CARMIL1: variants seen among roughly 807,000 people sequenced by gnomAD.
CARMIL1 encodes the protein capping protein regulator and myosin 1 linker 1.
CARMIL1 carries 90 observed loss-of-function variants against 177.1 expected under a neutral mutation model. The observed-to-expected ratio is 0.51, with a 90% CI of 0.43 to 0.61. The LOEUF is 0.61. Among genes scored for constraint, CARMIL1 ranks in the 20% least tolerant of loss-of-function variants. The pLI is 0.00. For missense variants in CARMIL1, 1,380 were observed against 1,667.0 expected, an observed-to-expected ratio of 0.83 and a Z score of 3.00; for synonymous variants, 577 against 606.2, an observed-to-expected ratio of 0.95 and a Z score of 0.71.
intron 2 of CARMIL1, among the ~76,000 whole-genome samples, chr6:25,299,652 C>G (rs913304992): frequency 6.6e-6 from 1 of 152,048 alleles, no homozygotes; most frequent in African/African-American, 2.4e-5. Flanking sequence ...GGCACCATCA[C>G]CCACTCTTCC....
intron 9 of CARMIL1, among the ~76,000 whole-genome samples, chr6:25,466,487 A>T (rs1250866039): frequency 6.6e-6 from 1 of 152,220 alleles, no homozygotes; most frequent in Non-Finnish European, 1.5e-5. Context: ...GGTATATTTT[A>T]TTAGTGGAAA....
chr6:25,464,507 A>T (rs1466545964), intron 8 of CARMIL1, among the ~76,000 whole-genome samples: 1 of 152,202 alleles, frequency 6.6e-6, no homozygotes, highest in Non-Finnish European at 1.5e-5. Flanking sequence ...GAGCTATGAG[A>T]TAATATTGAT....
intron 1 of CARMIL1, among the ~76,000 whole-genome samples, chr6:25,283,272 G>A (rs9358849): frequency 0.57 from 86,158 of 152,012 alleles, 26,608 homozygotes; most frequent in South Asian, 0.71. Flanking sequence ...TGGGAGGGAC[G>A]TGATGAATCT....
intron 29 of CARMIL1, chr6:25,563,648 CA>C (rs1811322837): frequency 1.0e-6 from 1 of 985,222 alleles, no homozygotes; most frequent in East Asian, 1.1e-4. Flanking sequence ...ATTTTTTCAA[CA>C]AATGCTTATT....
intron 24 of CARMIL1, among the ~76,000 whole-genome samples, chr6:25,536,073 A>T (rs1365603804): frequency 6.6e-6 from 1 of 152,202 alleles, no homozygotes; most frequent in East Asian, 1.9e-4. Context: ...GTGATTAAAG[A>T]TACCAACTTT....
intron 2 of CARMIL1, among the ~76,000 whole-genome samples, chr6:25,352,418 T>A (rs1788201409): frequency 6.6e-6 from 1 of 152,116 alleles, no homozygotes; most frequent in Non-Finnish European, 1.5e-5. Context: ...ATGACTAATG[T>A]ATATAACTCA....
intron 24 of CARMIL1, among the ~76,000 whole-genome samples, chr6:25,536,155 T>G (rs1358017307): frequency 6.6e-6 from 1 of 152,146 alleles, no homozygotes; most frequent in East Asian, 1.9e-4. Context: ...TCTTTCTTAG[T>G]GTGTGGTTTG....
At chr6:25,366,282 C>A (rs1789788024) in intron 2 of CARMIL1, among the ~76,000 whole-genome samples, 1 of 152,142 alleles carries the variant, frequency 6.6e-6, no homozygotes, top group Non-Finnish European at 1.5e-5. Context: ...CAGGCATGAG[C>A]CACCATACAT....
intron 26 of CARMIL1, among the ~76,000 whole-genome samples, chr6:25,546,669 C>CAAAAAAAAAAAAAA (rs58285338): frequency 8.7e-6 from 1 of 115,478 alleles, no homozygotes; most frequent in African/African-American, 3.3e-5. Context: ...ACAACAACAA[C>CAAAAAAAAAAAAAA]AAAAAAAAAA....
chr6:25,317,974 G>T (rs1581546610), intron 2 of CARMIL1, among the ~76,000 whole-genome samples: 1 of 152,172 alleles, frequency 6.6e-6, no homozygotes, highest in African/African-American at 2.4e-5. Context: ...AGTAGTGAGG[G>T]AGTAAATGCT....
chr6:25,420,694 G>A lies in CARMIL1; in HGVS notation c.189+530G>A, dbSNP rs139007232. ...CCGTCTACTCTGATGTTGCCTGTAA[G>A]AAATAACAAGATGCCACTCTGTTCT... On this transcript the variant is annotated intron_variant, in intron 3 of 36. Coordinates refer to ENST00000329474, the MANE Select transcript of CARMIL1 (RefSeq NM_017640.6). Among the ~76,000 whole-genome samples, 259 of 152,312 alleles carry A rather than the reference G, an allele frequency of 1.7e-3. 1 individual carries two copies. Among genetic ancestry groups the A allele is most frequent in the African/African-American group, 6.1e-3 (253 of 41,578 alleles).
chr6:25,341,162 G>A (rs994610925), intron 2 of CARMIL1, among the ~76,000 whole-genome samples: 3 of 121,988 alleles, frequency 2.5e-5, no homozygotes, highest in African/African-American at 6.6e-5. Flanking sequence ...AGGCGTAAAC[G>A]GGAGGCTTTG....
intron 29 of CARMIL1, among the ~76,000 whole-genome samples, chr6:25,578,201 C>T (rs759484388): frequency 1.3e-5 from 2 of 152,002 alleles, no homozygotes; most frequent in Non-Finnish European, 2.9e-5. Flanking sequence ...TAGGCATTAA[C>T]AAATGTCAGG....
At chr6:25,361,807 G>A (rs1389022365) in intron 2 of CARMIL1, among the ~76,000 whole-genome samples, 1 of 152,054 alleles carries the variant, frequency 6.6e-6, no homozygotes, top group Non-Finnish European at 1.5e-5. Flanking sequence ...AGAGACCTGA[G>A]CTAGCATGCT....
At chr6:25,285,047 G>A (rs1781428256) in intron 2 of CARMIL1, 138 bp downstream of exon 2, 1 of 583,794 alleles carries the variant, frequency 1.7e-6, no homozygotes, top group Admixed American at 3.1e-5. Context: ...TTTTGTCTTA[G>A]GTTAATTGGA....
chr6:25,501,366 A>T (rs1001831106), intron 17 of CARMIL1, among the ~76,000 whole-genome samples: 2 of 152,164 alleles, frequency 1.3e-5, no homozygotes, highest in African/African-American at 4.8e-5. Flanking sequence ...GCATGCGTGC[A>T]TCAGCTTCCT....
chr6:25,343,196 G>T (rs1032246433), intron 2 of CARMIL1, among the ~76,000 whole-genome samples: 1 of 152,068 alleles, frequency 6.6e-6, no homozygotes, highest in South Asian at 2.1e-4. Context: ...TGAAATTTTG[G>T]GTAGTTTGAA....
At chr6:25,468,865 G>A (rs897725390) in intron 9 of CARMIL1, among the ~76,000 whole-genome samples, 18 of 152,154 alleles carry the variant, frequency 1.2e-4, no homozygotes, top group Admixed American at 6.5e-5. Flanking sequence ...AATCTTCAAA[G>A]CATTATGGTA....
Position 25,491,957 on chromosome 6 carries a change from G to C in CARMIL1, c.1153G>C (p.Ala385Pro). ...TECSLDMVCG[A>P]LLRGCLQYLA... ...CTTATTTCTTTTTCAGGTCTGTGGA[G>C]CTCTTCTCCGTGGATGCCTTCAATA... Residue 385 changes from alanine (A) to proline (P), a missense_variant, in exon 15 of 37, where the codon GCT becomes CCT. Coordinates refer to ENST00000329474, the MANE Select transcript of CARMIL1 (RefSeq NM_017640.6). 6.2e-7 allele frequency: 1 copy of C among 1,613,522 alleles called. No individual in the cohort carries two copies. Among genetic ancestry groups the C allele is most frequent in the Non-Finnish European group, 8.5e-7 (1 of 1,179,630 alleles).
Sources: allele counts gnomAD v4.1 joint callset (sites outside exome capture counted in the v4.1 genomes callset), GRCh38; gene constraint gnomAD v4.1.1; transcripts MANE v1.5; gene names NCBI Gene and HGNC (gene_info 2026-07-23, HGNC 2026-07-21).